Variants in MED6 observed in about 807,000 individuals in gnomAD.
The protein encoded by MED6 is mediator complex subunit 6.
In MED6, 33 loss-of-function variants were observed where a neutral mutation model predicts 37.5. The observed-to-expected ratio is 0.88, with a 90% CI of 0.67 to 1.18. The LOEUF is 1.18. Among genes scored for constraint, MED6 ranks in the 50% most tolerant of loss-of-function variants. The pLI, the probability that MED6 is intolerant of heterozygous loss-of-function variation, is 0.00. For missense variants in MED6, 235 were observed against 290.6 expected (o/e 0.81, Z 1.39); for synonymous variants, 94 against 93.6 (o/e 1.00, Z -0.02).
At position 70,584,033 on chromosome 14, in the gene MED6, G is replaced by A. The variant is rs760362224; in HGVS notation, c.*780C>T. The stretch of plus-strand genomic sequence containing the variant: ...GATTAAAATTCACAACACTGTTACA[G>A]TATTTATAGGGTAATGGTATTGGTG... On this transcript the variant is annotated 3_prime_UTR_variant, in exon 8 of 8. Transcript: ENST00000256379. The A allele has an allele frequency of 1.4e-5, 7 of 517,822 alleles. No individual in the cohort carries two copies. Among genetic ancestry groups the A allele is most frequent in the East Asian group, 2.9e-5 (1 of 34,214 alleles). 32.1% of individuals were successfully genotyped at this position (517,822 alleles called of 1,614,324 possible). A position where few individuals can be genotyped will look rare whatever the true frequency, so the allele number is the denominator to read the frequency against.
intron 6 of MED6, among the ~76,000 whole-genome samples, chr14:70,587,337 A>C (rs1483923706): frequency 1.3e-5 from 2 of 152,238 alleles, no homozygotes; most frequent in African/African-American, 4.8e-5. Flanking sequence ...CTACATGCTG[A>C]GTCCTCTGAG....
In MED6 at chr14:70,586,483, C is replaced by A. The variant is rs114678698; in HGVS notation, c.583-700G>T. Among the ~76,000 whole-genome samples, 16 of 152,284 alleles carry A rather than the reference C, an allele frequency of 1.1e-4. No homozygotes were observed. In the East Asian group the frequency reaches 2.9e-3, roughly 28 times the overall value. On this transcript the variant is annotated intron_variant, in intron 6 of 7. Transcript: ENST00000256379. Reference sequence around the variant, plus strand: ...CTCCCATGTTTAAAAACAACAACAACAAAACCAGGATGCCAACACCACCAA... The same window carrying A: ...CTCCCATGTTTAAAAACAACAACAAAAAAACCAGGATGCCAACACCACCAA...
rs1884933285 is a variant in MED6 at position 70,593,102 on chromosome 14, A to C, written c.358-114T>G. 11 of 1,424,090 alleles carry C rather than the reference A, an allele frequency of 7.7e-6. No individual in the cohort carries two copies. The South Asian group carries it at 1.4e-4, about 18-fold the overall frequency. 88.2% of individuals were successfully genotyped at this position (1,424,090 alleles called of 1,614,324 possible). On this transcript the variant is annotated intron_variant, in intron 4 of 7. Coordinates refer to ENST00000256379, the MANE Select transcript of MED6 (RefSeq NM_005466.4). ...ACAGAACCTATTTTTCAGAACCTAA[A>C]TTACTATATAATTGAGACTATGAAA...
intron 3 of MED6, chr14:70,595,373 C>A: frequency 1.8e-6 from 1 of 566,956 alleles, no homozygotes. Context: ...AGGAGAACAC[C>A]ACAGTGGTCA....
chr14:70,594,769 G>A (rs1443903719), intron 3 of MED6: 8 of 558,752 alleles, frequency 1.4e-5, no homozygotes, highest in Non-Finnish European at 2.6e-5. Flanking sequence ...TAGCAGGAAT[G>A]GGAGGCATCC....
intron 6 of MED6, among the ~76,000 whole-genome samples, chr14:70,589,980 CATGT>C (rs1884821921): frequency 6.6e-6 from 1 of 152,172 alleles, no homozygotes; most frequent in African/African-American, 2.4e-5. Context: ...TAAAAAGAAA[CATGT>C]ATTTTATTTA....
chr14:70,595,386 A>G, intron 3 of MED6: 1 of 568,330 alleles, frequency 1.8e-6, no homozygotes, highest in South Asian at 1.6e-5. Context: ...AGTGGTCACT[A>G]TGCAGTCTGC....
In MED6 at chr14:70,600,436, T is replaced by C. The variant is rs1411718374; in HGVS notation, c.22+180A>G. ...CGCTTCCAAGAGACGCTCCAAGAAC[T>C]CAGAAAAAAAAAAAAACTCGTCAAC... On this transcript the variant is annotated intron_variant, in intron 1 of 7. Transcript: ENST00000256379. Among the ~76,000 whole-genome samples, 5 of 126,546 alleles carry C rather than the reference T, an allele frequency of 4.0e-5. No homozygotes were observed. The East Asian group carries it at 1.5e-3, about 38-fold the overall frequency. 83.0% of individuals were successfully genotyped at this position (126,546 alleles called of 152,430 possible).
chr14:70,597,434 A>G (rs1230859526), intron 2 of MED6, among the ~76,000 whole-genome samples, 184 bp downstream of exon 2: 2 of 152,242 alleles, frequency 1.3e-5, no homozygotes, highest in Admixed American at 1.3e-4. Flanking sequence ...AGTTATACAG[A>G]AAAGACCTCT....
intron 3 of MED6, chr14:70,595,066 C>G: frequency 1.8e-6 from 1 of 549,826 alleles, no homozygotes; most frequent in Non-Finnish European, 3.6e-6. Context: ...TGAGACAGAG[C>G]TGGCCATGTA....
chr14:70,593,447 A>G, intron 3 of MED6, 69 bp from the exon 4 acceptor site: 1 of 1,208,046 alleles, frequency 8.3e-7, no homozygotes, highest in Non-Finnish European at 1.2e-6. Context: ...ATTCTCATAA[A>G]AAGAAATAAA....
In MED6 at chr14:70,596,696, C is replaced by T. The variant is rs775989453; in HGVS notation, c.189G>A (p.Met63Ile). Residue 63 changes from methionine (M) to isoleucine (I), a missense_variant, in exon 3 of 8, where the codon ATG becomes ATA. By Grantham distance (10) the Met-to-Ile change is conservative. Transcript: ENST00000256379. The stretch of plus-strand genomic sequence containing the variant: ...GCAAAAGGATGTACTCGATTCCAAC[C>T]ATCTGACTGAAAACAGAACACAGAC... ...QRLTLEHLNQMVGIEYILLHA... is the reference protein window; with the variant it reads ...QRLTLEHLNQIVGIEYILLHA... 4.8e-5 allele frequency: 78 copies of T among 1,612,792 alleles called. No homozygotes were observed. Among genetic ancestry groups the T allele is most frequent in the Non-Finnish European group, 1.1e-5 (13 of 1,179,144 alleles).
chr14:70,585,656 A>C, intron 7 of MED6, 100 bp downstream of exon 7: 1 of 1,056,924 alleles, frequency 9.5e-7, no homozygotes, highest in Non-Finnish European at 1.3e-6. Flanking sequence ...CTCTAGAAGG[A>C]CAAAATGACC....
At position 70,584,035 on chromosome 14, in the gene MED6, A is replaced by T. The variant is rs1010331692; in HGVS notation, c.*778T>A. The T allele has an allele frequency of 1.9e-6, 1 of 533,034 alleles. No individual in the cohort carries two copies. The highest frequency in any genetic ancestry group is 1.9e-5 in the African/African-American group (1 of 52,456). The allele number at this position is 533,034 out of a possible 1,614,324, so 33.0% of individuals were successfully genotyped here. A position where few individuals can be genotyped will look rare whatever the true frequency, so the allele number is the denominator to read the frequency against. ...TTAAAATTCACAACACTGTTACAGTATTTATAGGGTAATGGTATTGGTGAG... is the reference window on the plus strand; with the variant it reads ...TTAAAATTCACAACACTGTTACAGTTTTTATAGGGTAATGGTATTGGTGAG... On this transcript the variant is annotated 3_prime_UTR_variant, in exon 8 of 8. Transcript: ENST00000256379.
At chr14:70,597,801 T>TA in intron 1 of MED6, 24 bp from the exon 2 acceptor site, 1 of 1,525,166 alleles carries the variant, frequency 6.6e-7, no homozygotes, top group Non-Finnish European at 8.7e-7. Context: ...AACAAAATGA[T>TA]AAAGGATTAG....
chr14:70,592,686 G>A (rs1884916256), intron 5 of MED6, 194 bp downstream of exon 5: 1 of 466,378 alleles, frequency 2.1e-6, no homozygotes, highest in African/African-American at 2.0e-5. Context: ...CTAACAGAGT[G>A]AACTTGCATC....
intron 6 of MED6, among the ~76,000 whole-genome samples, chr14:70,586,483 C>T (rs114678698): frequency 1.2e-3 from 186 of 152,280 alleles, no homozygotes; most frequent in African/African-American, 4.3e-3. Context: ...ACAACAACAA[C>T]AAAACCAGGA....
intron 6 of MED6, 87 bp from the exon 7 acceptor site, chr14:70,585,870 C>CAT: frequency 9.7e-7 from 1 of 1,028,206 alleles, no homozygotes; most frequent in Non-Finnish European, 1.4e-6. Flanking sequence ...TTCCTGATGT[C>CAT]ATATTAATAA....
intron 3 of MED6, chr14:70,595,308 G>A: frequency 1.8e-6 from 1 of 548,656 alleles, no homozygotes; most frequent in South Asian, 1.5e-5. Context: ...CTAATACGAA[G>A]AGCTGGCTCA....
Sources: gnomAD v4.1 joint callset for allele counts (sites outside exome capture counted in the v4.1 genomes callset) on GRCh38, gnomAD v4.1.1 for gene constraint, MANE v1.5 for transcripts, NCBI Gene and HGNC (gene_info 2026-07-23, HGNC 2026-07-21) for gene names.